Variants in CRBN observed in about 807,000 individuals in gnomAD.
CRBN encodes protein cereblon.
CRBN carries 53 observed loss-of-function variants against 62.2 expected under a neutral mutation model. The observed-to-expected ratio is 0.85, with a 90% CI of 0.68 to 1.07. CRBN has a LOEUF of 1.07. Ranked by LOEUF, CRBN falls within the 50% of genes least tolerant of loss-of-function variation. CRBN has a pLI of 0.00. For missense variants in CRBN, 616 were observed against 531.1 expected (o/e 1.16, Z -1.57); for synonymous variants, 208 against 176.1 (o/e 1.18, Z -1.43).
At chr3:3,176,064 A>G (rs1420084710) in intron 1 of CRBN, among the ~76,000 whole-genome samples, 1 of 152,154 alleles carries the variant, frequency 6.6e-6, no homozygotes, top group Non-Finnish European at 1.5e-5. Flanking sequence ...ACCCTTCGGA[A>G]GCAAATCACT....
At chr3:3,172,111 C>G (rs1193576550) in intron 4 of CRBN, 3 of 152,216 alleles carry the variant, frequency 2.0e-5, no homozygotes, top group Non-Finnish European at 4.4e-5. Context: ...GCCATGACAG[C>G]TTTGTCAAAA....
chr3:3,153,876 A>G, intron 8 of CRBN, 84 bp downstream of exon 8: 1 of 818,786 alleles, frequency 1.2e-6, no homozygotes. Context: ...GACTCTATAC[A>G]GAGCTCCATT....
At chr3:3,162,630 G>A (rs999914372) in intron 5 of CRBN, among the ~76,000 whole-genome samples, 1 of 152,078 alleles carries the variant, frequency 6.6e-6, no homozygotes, top group African/African-American at 2.4e-5. Context: ...AGGTTTCCAC[G>A]GCAAATGCTG....
Position 3,153,577 on chromosome 3 carries a change from T to C in CRBN, c.952-89A>G, listed in dbSNP as rs1213707118. On this transcript the variant is annotated intron_variant, in intron 8 of 10. Transcript: ENST00000231948. ...CATAGATCATCAAGAAACTTACTTA[T>C]AAAGATATTGCTCTCTCTGAATATC... 2.1e-5 allele frequency: 17 copies of C among 800,484 alleles called. No individual in the cohort carries two copies. The East Asian group carries it at 3.2e-4, about 15-fold the overall frequency. The allele number at this position is 800,484 out of a possible 1,614,324, so 49.6% of individuals were successfully genotyped here.
intron 4 of CRBN, among the ~76,000 whole-genome samples, chr3:3,168,839 C>T (rs1204585021): frequency 1.3e-5 from 2 of 152,104 alleles, no homozygotes; most frequent in African/African-American, 4.8e-5. Flanking sequence ...ATTAGAAATA[C>T]TCAGAAAATT....
At position 3,150,424 on chromosome 3, in the gene CRBN, C is replaced by G. The variant is rs539598986; in HGVS notation, c.*441G>C. The G allele has an allele frequency of 6.3e-6, 1 of 157,758 alleles. No individual in the cohort carries two copies. Among genetic ancestry groups the G allele is most frequent in the Non-Finnish European group, 1.4e-5 (1 of 71,362 alleles). The allele number at this position is 157,758 out of a possible 1,614,324, so 9.8% of individuals were successfully genotyped here. A position where few individuals can be genotyped will look rare whatever the true frequency, so the allele number is the denominator to read the frequency against. ...CCAAAAGGAACATGTACTTGTCACC[C>G]TAGCTTTTGTTATTTAGAGCACTGG... On this transcript the variant is annotated 3_prime_UTR_variant, in exon 11 of 11. Transcript: ENST00000231948.
At chr3:3,165,895 T>G (rs533345983) in intron 5 of CRBN, among the ~76,000 whole-genome samples, 1 of 152,316 alleles carries the variant, frequency 6.6e-6, no homozygotes, top group East Asian at 1.9e-4. Context: ...GTGCCAAACA[T>G]ACTTTTAGGC....
intron 9 of CRBN, 46 bp from the exon 10 acceptor site, chr3:3,152,633 T>C: frequency 6.2e-7 from 1 of 1,609,964 alleles, no homozygotes; most frequent in East Asian, 2.2e-5. Context: ...ACGAGAAGTC[T>C]AATTTTATTA....
intron 4 of CRBN, among the ~76,000 whole-genome samples, chr3:3,168,941 C>CA: frequency 6.6e-6 from 1 of 152,142 alleles, no homozygotes; most frequent in South Asian, 2.1e-4. Flanking sequence ...TCATTAGAAA[C>CA]AAAATCTCAA....
At chr3:3,164,382 A>G (rs1707246296) in intron 5 of CRBN, among the ~76,000 whole-genome samples, 1 of 152,206 alleles carries the variant, frequency 6.6e-6, no homozygotes, top group Admixed American at 6.5e-5. Flanking sequence ...TGATATGGAG[A>G]AAGTTTTAAT....
chr3:3,154,333 T>C lies in CRBN; in HGVS notation c.836-258A>G, dbSNP rs1706781553. The C allele has an allele frequency of 8.0e-6, 4 of 502,266 alleles. No homozygotes were observed. In the South Asian group the frequency reaches 8.6e-5, roughly 11 times the overall value. The allele number at this position is 502,266 out of a possible 1,614,324, so 31.1% of individuals were successfully genotyped here. A position where few individuals can be genotyped will look rare whatever the true frequency, so the allele number is the denominator to read the frequency against. Reference sequence around the variant, plus strand: ...AACTCAAATCCATGTTAGAAGTTATTTGCCAAGAGACTAGAAAAATAACTA... The same window carrying C: ...AACTCAAATCCATGTTAGAAGTTATCTGCCAAGAGACTAGAAAAATAACTA... On this transcript the variant is annotated intron_variant, in intron 7 of 10. Coordinates refer to ENST00000231948, the MANE Select transcript of CRBN (RefSeq NM_016302.4).
rs759461359 is a variant in CRBN at position 3,172,781 on chromosome 3, T to C, written c.522A>G (p.Ser174=). ...RFKVLELRTQ[S]DGIQQAKVQI... ...AGGTATATGTTATTTCTTACCCATC[T>C]GACTGTGTTCTTAGCTCAAGGACTT... Residue 174 remains serine (S), a synonymous_variant, in exon 4 of 11, where the codon TCA becomes TCG. Transcript: ENST00000231948. 3 of 1,613,656 alleles carry C rather than the reference T, an allele frequency of 1.9e-6. No homozygotes were observed. The highest frequency in any genetic ancestry group is 2.5e-6 in the Non-Finnish European group (3 of 1,179,646).
intron 9 of CRBN, 91 bp downstream of exon 9, chr3:3,153,333 G>A: frequency 1.3e-6 from 1 of 781,256 alleles, no homozygotes; most frequent in Non-Finnish European, 2.3e-6. Flanking sequence ...TAACTTTAAG[G>A]TACTGGAGGA....
intron 4 of CRBN, among the ~76,000 whole-genome samples, chr3:3,169,158 G>A (rs941528170): frequency 1.3e-5 from 2 of 152,180 alleles, no homozygotes; most frequent in East Asian, 1.9e-4. Flanking sequence ...TACAGATCAT[G>A]TTAATTAGTC....
chr3:3,169,549 TAAAGAA>T (rs1425370817), intron 4 of CRBN, among the ~76,000 whole-genome samples: 1 of 152,126 alleles, frequency 6.6e-6, no homozygotes, highest in East Asian at 1.9e-4. Context: ...AATCCCTCTT[TAAAGAA>T]AAACTAGCAG....
In CRBN at chr3:3,150,396, T is replaced by C. The variant is rs1262482312; in HGVS notation, c.*469A>G. Reference sequence around the variant, plus strand: ...TAATTAATATACATTGCCTTGCTTCTTTCCAAAAGGAACATGTACTTGTCA... The same window carrying C: ...TAATTAATATACATTGCCTTGCTTCCTTCCAAAAGGAACATGTACTTGTCA... On this transcript the variant is annotated 3_prime_UTR_variant, in exon 11 of 11. Coordinates refer to ENST00000231948, the MANE Select transcript of CRBN (RefSeq NM_016302.4). The C allele has an allele frequency of 6.5e-6, 1 of 153,834 alleles. No homozygotes were observed. The highest frequency in any genetic ancestry group is 1.4e-5 in the Non-Finnish European group (1 of 69,102). The allele number at this position is 153,834 out of a possible 1,614,324, so 9.5% of individuals were successfully genotyped here.
In CRBN at chr3:3,151,000, A is replaced by T. The variant is rs763710763; in HGVS notation, c.1194T>A (p.Ile398=). The T allele has an allele frequency of 6.2e-7, 1 of 1,613,874 alleles. No homozygotes were observed. The highest frequency in any genetic ancestry group is 1.7e-5 in the Admixed American group (1 of 59,932). Residue 398 remains isoleucine (I), a synonymous_variant, in exon 11 of 11, where the codon ATT becomes ATA. Coordinates refer to ENST00000231948, the MANE Select transcript of CRBN (RefSeq NM_016302.4). ...VAQCKICASH[I]GWKFTATKKD... ...TTTTGGTGGCCGTAAACTTCCATCC[A>T]ATATGGCTTGCACAGATCTTACACT...
intron 1 of CRBN, among the ~76,000 whole-genome samples, chr3:3,178,788 C>T (rs1707938842): frequency 6.6e-6 from 1 of 152,122 alleles, no homozygotes; most frequent in African/African-American, 2.4e-5. Context: ...TGTCATATAA[C>T]GAAGGGACTC....
In CRBN at chr3:3,167,726, A is replaced by C; in HGVS notation, c.595T>G (p.Leu199Val). ...VLPSTMSAVQ[L>V]ESLNKCQIFP... ...ATCTGGCACTTATTGAGGGATTCTA[A>C]TTGAACTGCAGACATGGTTGAAGGC... Residue 199 changes from leucine to valine, a missense_variant, in exon 5 of 11, where the codon TTA becomes GTA. By Grantham distance (32) the Leu-to-Val change is conservative. Coordinates refer to ENST00000231948, the MANE Select transcript of CRBN (RefSeq NM_016302.4). 1.2e-6 allele frequency: 2 copies of C among 1,613,684 alleles called. No homozygotes were observed. The highest frequency in any genetic ancestry group is 8.5e-7 in the Non-Finnish European group (1 of 1,179,672).
Sources: gnomAD v4.1 joint callset for allele counts (sites outside exome capture counted in the v4.1 genomes callset) on GRCh38, gnomAD v4.1.1 for gene constraint, MANE v1.5 for transcripts, NCBI Gene and HGNC (gene_info 2026-07-23, HGNC 2026-07-21) for gene names.